TBCE: variants seen among roughly 807,000 people sequenced by gnomAD.
TBCE encodes the protein tubulin folding cofactor E.
A neutral mutation model predicts 77.0 loss-of-function variants in TBCE; 53 were observed. That is an observed-to-expected ratio of 0.69 (90% CI 0.55 to 0.87). TBCE has a LOEUF of 0.87. Among genes scored for constraint, TBCE ranks in the 40% least tolerant of loss-of-function variants. The pLI, the probability that TBCE is intolerant of heterozygous loss-of-function variation, is 0.00. For missense variants in TBCE, 624 were observed against 622.4 expected (o/e 1.00, Z -0.03); for synonymous variants, 235 against 241.3 (o/e 0.97, Z 0.24).
At chr1:235,406,612 A>G (rs1362164219) in intron 3 of TBCE, among the ~76,000 whole-genome samples, 2 of 149,600 alleles carry the variant, frequency 1.3e-5, no homozygotes, top group Non-Finnish European at 3.0e-5. Flanking sequence ...GCTCACTGCA[A>G]CCTCCGCCTC....
intron 2 of TBCE, among the ~76,000 whole-genome samples, chr1:235,388,894 A>T (rs1678199411): frequency 6.6e-6 from 1 of 152,196 alleles, no homozygotes; most frequent in African/African-American, 2.4e-5. Context: ...TGCTCTGAAG[A>T]TAGAGTGGCC....
chr1:235,385,640 C>A (rs1289876063), intron 2 of TBCE, among the ~76,000 whole-genome samples: 1 of 151,894 alleles, frequency 6.6e-6, no homozygotes, highest in Non-Finnish European at 1.5e-5. Flanking sequence ...GGATTGCAAC[C>A]CCTGCCTTTT....
chr1:235,409,032 T>G (rs1679625379), intron 3 of TBCE, among the ~76,000 whole-genome samples: 1 of 146,276 alleles, frequency 6.8e-6, no homozygotes, highest in Admixed American at 6.8e-5. Flanking sequence ...TTTTTTAGTA[T>G]AAGTATGAGA....
chr1:235,400,178 A>T (rs1231589356), intron 2 of TBCE, among the ~76,000 whole-genome samples: 1 of 151,866 alleles, frequency 6.6e-6, no homozygotes, highest in Admixed American at 6.6e-5. Context: ...CACCTTCCTA[A>T]CTCATATGTG....
chr1:235,391,576 AC>A (rs1678393048), intron 2 of TBCE, among the ~76,000 whole-genome samples: 1 of 146,934 alleles, frequency 6.8e-6, no homozygotes, highest in African/African-American at 2.5e-5. Flanking sequence ...TTAACATGTT[AC>A]CATACCATAT....
At chr1:235,435,611 GC>G in intron 8 of TBCE, 133 bp from the exon 9 acceptor site, 1 of 755,488 alleles carries the variant, frequency 1.3e-6, no homozygotes, top group Admixed American at 2.0e-5. Context: ...CACTCAGGTT[GC>G]CCCTTTACAG....
intron 3 of TBCE, among the ~76,000 whole-genome samples, chr1:235,403,055 G>A (rs1399153160): frequency 6.6e-6 from 1 of 152,094 alleles, no homozygotes; most frequent in Non-Finnish European, 1.5e-5. Context: ...GAAAGTCAGG[G>A]TGTTCTTAAA....
chr1:235,417,498 GA>G (rs1444864946), intron 4 of TBCE, among the ~76,000 whole-genome samples: 1 of 152,200 alleles, frequency 6.6e-6, no homozygotes, highest in African/African-American at 2.4e-5. Flanking sequence ...TGTGGAACTG[GA>G]AATGGAATTG....
At chr1:235,377,715 G>C (rs572395006) in intron 1 of TBCE, among the ~76,000 whole-genome samples, 26 of 149,674 alleles carry the variant, frequency 1.7e-4, no homozygotes, top group Non-Finnish European at 8.9e-5. Flanking sequence ...ACAATGGCTC[G>C]ATCTCGGCTC....
chr1:235,436,447 A>G lies in TBCE; in HGVS notation c.895A>G (p.Ile299Val), dbSNP rs769493769. ...TTCTCTACATTTTCCGGATGCTGGA[A>G]TTGGTATATAAGATTAGTAAAGTTC... ...ISSLHFPDAG[I>V]GCKTSMFPSL... The change falls in exon 10 of 17, where the codon ATT becomes GTT. Residue 299 changes from isoleucine to valine, a missense_variant. By Grantham distance (29) the Ile-to-Val change is conservative (BLOSUM62 3). Transcript: ENST00000642610. 8.7e-6 allele frequency: 14 copies of G among 1,613,810 alleles called. No homozygotes were observed. Among genetic ancestry groups the G allele is most frequent in the Non-Finnish European group, 1.1e-5 (13 of 1,179,858 alleles).
At chr1:235,424,729 C>T (rs189851600) in intron 5 of TBCE, among the ~76,000 whole-genome samples, 54 of 151,450 alleles carry the variant, frequency 3.6e-4, no homozygotes, top group African/African-American at 9.9e-4. Context: ...GGTCTCGAAC[C>T]CCCGACCTCA....
chr1:235,376,420 C>T (rs1677300630), intron 1 of TBCE, among the ~76,000 whole-genome samples: 1 of 152,152 alleles, frequency 6.6e-6, no homozygotes. Context: ...GAGCCTCAGA[C>T]TGATTATGGG....
At chr1:235,372,637 G>A (rs1354460666) in intron 1 of TBCE, among the ~76,000 whole-genome samples, 3 of 151,812 alleles carry the variant, frequency 2.0e-5, no homozygotes, top group Non-Finnish European at 4.4e-5. Flanking sequence ...AAGAGAGAGA[G>A]AGAGAGGCTG....
At chr1:235,416,417 T>G (rs1051697371) in intron 4 of TBCE, among the ~76,000 whole-genome samples, 2 of 151,960 alleles carry the variant, frequency 1.3e-5, no homozygotes, top group African/African-American at 4.8e-5. Context: ...TCCCAACTAT[T>G]TGGGAAGCTG....
At chr1:235,394,100 A>G (rs1678573859) in intron 2 of TBCE, among the ~76,000 whole-genome samples, 1 of 152,030 alleles carries the variant, frequency 6.6e-6, no homozygotes, top group Non-Finnish European at 1.5e-5. Context: ...TTTGAGACGG[A>G]GTCTCGCTCT....
intron 8 of TBCE, among the ~76,000 whole-genome samples, 159 bp downstream of exon 8, chr1:235,434,439 C>T (rs1440368732): frequency 6.6e-6 from 1 of 152,092 alleles, no homozygotes; most frequent in African/African-American, 2.4e-5. Flanking sequence ...TAGAATTTCA[C>T]TAATTGGTTC....
Position 235,441,890 on chromosome 1 carries a change from T to C in TBCE, c.1339+8T>C. 1 of 1,613,186 alleles carries C rather than the reference T, an allele frequency of 6.2e-7. No individual in the cohort carries two copies. Among genetic ancestry groups the C allele is most frequent in the African/African-American group, 1.3e-5 (1 of 75,036 alleles). On this transcript the variant is annotated splice_region_variant and intron_variant, in intron 14 of 16. Transcript: ENST00000642610. ...TGAAAAACCAGCTACTAAGTAAGAA[T>C]CTCAGATTCAAATAGTTTATTTGTA... is the stretch of plus-strand genomic sequence containing the variant.
chr1:235,409,189 G>A (rs1432793606), intron 3 of TBCE, among the ~76,000 whole-genome samples: 1 of 152,114 alleles, frequency 6.6e-6, no homozygotes, highest in African/African-American at 2.4e-5. Context: ...AGCACATGCT[G>A]TTTCCACAAG....
At chr1:235,407,877 A>G (rs563468575) in intron 3 of TBCE, among the ~76,000 whole-genome samples, 2 of 145,646 alleles carry the variant, frequency 1.4e-5, no homozygotes, top group South Asian at 2.1e-4. Flanking sequence ...AGTGGTTTTC[A>G]GTTTTTTTTT....
Sources: allele counts gnomAD v4.1 joint callset (sites outside exome capture counted in the v4.1 genomes callset), GRCh38; gene constraint gnomAD v4.1.1; transcripts MANE v1.5; gene names NCBI Gene and HGNC (gene_info 2026-07-23, HGNC 2026-07-21).